The following NRG3 variants were observed in gnomAD, a reference collection of about 807,000 sequenced individuals.
NRG3 encodes the protein pro-neuregulin-3, membrane-bound isoform.
A neutral mutation model predicts 66.9 loss-of-function variants in NRG3; 31 were observed. The observed-to-expected ratio is 0.46, with a 90% CI of 0.35 to 0.63. The LOEUF (loss-of-function observed/expected upper bound fraction) is 0.63, where lower values mean the gene tolerates loss of function less well. Ranked by LOEUF, NRG3 falls within the 20% of genes least tolerant of loss-of-function variation. The pLI, the probability that NRG3 is intolerant of heterozygous loss-of-function variation, is 0.00. For missense variants in NRG3, 910 were observed against 878.9 expected (o/e 1.04, Z -0.45); for synonymous variants, 393 against 359.4 (o/e 1.09, Z -1.06).
chr10:82,344,141 C>T (rs2082844691), intron 1 of NRG3, among the ~76,000 whole-genome samples: 2 of 149,644 alleles, frequency 1.3e-5, no homozygotes, highest in East Asian at 2.0e-4. Flanking sequence ...TATACATGTG[C>T]CATGCTGGTG....
chr10:82,163,965 G>A (rs1052911242), intron 1 of NRG3, among the ~76,000 whole-genome samples: 7 of 149,842 alleles, frequency 4.7e-5, no homozygotes, highest in Non-Finnish European at 8.9e-5. Context: ...CTGTTGCCCA[G>A]GTTGGAGTGG....
At chr10:81,878,796 C>T (rs1841918363) in intron 1 of NRG3, among the ~76,000 whole-genome samples, 1 of 152,006 alleles carries the variant, frequency 6.6e-6, no homozygotes, top group African/African-American at 2.4e-5. Context: ...CTTTAATGGC[C>T]AGGATCTTTG....
At chr10:82,340,382 A>G (rs941291180) in intron 1 of NRG3, among the ~76,000 whole-genome samples, 1 of 152,200 alleles carries the variant, frequency 6.6e-6, no homozygotes, top group Non-Finnish European at 1.5e-5. Context: ...GACACTTGAC[A>G]TAGTTAGCCA....
At chr10:82,973,037 C>T (rs1851913883) in intron 6 of NRG3, among the ~76,000 whole-genome samples, 1 of 152,164 alleles carries the variant, frequency 6.6e-6, no homozygotes, top group Non-Finnish European at 1.5e-5. Flanking sequence ...CCTGGAGTTT[C>T]TAGAAGAGAA....
At chr10:82,757,030 T>C (rs1565281577) in intron 3 of NRG3, among the ~76,000 whole-genome samples, 2 of 152,184 alleles carry the variant, frequency 1.3e-5, no homozygotes, top group East Asian at 1.9e-4. Flanking sequence ...AAAACAAAAC[T>C]GTTTTCCTCT....
At chr10:81,909,977 A>G (rs1443618342) in intron 1 of NRG3, among the ~76,000 whole-genome samples, 1 of 152,176 alleles carries the variant, frequency 6.6e-6, no homozygotes, top group Non-Finnish European at 1.5e-5. Flanking sequence ...CCCTTGCTCT[A>G]AAAGTTATAT....
chr10:82,165,980 A>C (rs1393236482), intron 1 of NRG3, among the ~76,000 whole-genome samples: 4 of 150,876 alleles, frequency 2.7e-5, no homozygotes, highest in Admixed American at 2.6e-4. Context: ...CCTGTTTTCT[A>C]CTTTTTTTAG....
At chr10:82,468,945 G>A (rs1396936254) in intron 2 of NRG3, among the ~76,000 whole-genome samples, 1 of 152,104 alleles carries the variant, frequency 6.6e-6, no homozygotes, top group Admixed American at 6.5e-5. Context: ...CAACATTCCT[G>A]ATTTCTTGCT....
intron 1 of NRG3, among the ~76,000 whole-genome samples, chr10:81,909,987 T>C (rs1371347859): frequency 6.6e-6 from 1 of 152,188 alleles, no homozygotes; most frequent in Non-Finnish European, 1.5e-5. Context: ...AAAAGTTATA[T>C]TGAAGGAATG....
intron 1 of NRG3, among the ~76,000 whole-genome samples, chr10:82,125,309 G>A (rs2068366127): frequency 6.6e-6 from 1 of 151,906 alleles, no homozygotes; most frequent in Non-Finnish European, 1.5e-5. Flanking sequence ...TAGACTTTAT[G>A]TACAGCCCTC....
In NRG3 at chr10:82,170,950, T is replaced by C. The variant is rs2072556759; in HGVS notation, c.824-187789T>C. Among the ~76,000 whole-genome samples, 3 of 151,728 alleles carry C rather than the reference T, an allele frequency of 2.0e-5. No homozygotes were observed. In the South Asian group the frequency reaches 6.2e-4, roughly 31 times the overall value. Reference sequence around the variant, plus strand: ...AACATTTCTATGTTAATTTGATTTATGGGTGTTGTCAGATTGTTTTATGCA... The same window carrying C: ...AACATTTCTATGTTAATTTGATTTACGGGTGTTGTCAGATTGTTTTATGCA... On this transcript the variant is annotated intron_variant, in intron 1 of 8. Transcript: ENST00000372141.
At chr10:82,448,331 T>C (rs2090847189) in intron 2 of NRG3, among the ~76,000 whole-genome samples, 2 of 152,196 alleles carry the variant, frequency 1.3e-5, no homozygotes, top group Non-Finnish European at 1.5e-5. Flanking sequence ...AAGAAAACAC[T>C]AGGGAAAAGA....
At chr10:82,716,316 C>T (rs1479857861) in intron 2 of NRG3, among the ~76,000 whole-genome samples, 2 of 152,140 alleles carry the variant, frequency 1.3e-5, no homozygotes, top group African/African-American at 4.8e-5. Context: ...CATATCTCAT[C>T]TATATAGACA....
intron 2 of NRG3, among the ~76,000 whole-genome samples, chr10:82,693,784 G>T (rs772983654): frequency 6.6e-6 from 1 of 152,092 alleles, no homozygotes; most frequent in African/African-American, 2.4e-5. Flanking sequence ...ACTTTGAATC[G>T]AGTGTTACAG....
At chr10:81,968,858 C>T (rs2059826087) in intron 1 of NRG3, among the ~76,000 whole-genome samples, 1 of 152,186 alleles carries the variant, frequency 6.6e-6, no homozygotes, top group Non-Finnish European at 1.5e-5. Context: ...GAGGCAGGTG[C>T]TTATCTCTTT....
chr10:82,561,658 C>T (rs1462399406), intron 2 of NRG3, among the ~76,000 whole-genome samples: 1 of 152,146 alleles, frequency 6.6e-6, no homozygotes, highest in East Asian at 1.9e-4. Context: ...ACACTCCCAT[C>T]CTTAAAATGG....
chr10:82,767,415 G>T (rs898162880), intron 3 of NRG3, among the ~76,000 whole-genome samples: 1 of 152,072 alleles, frequency 6.6e-6, no homozygotes, highest in African/African-American at 2.4e-5. Flanking sequence ...TCTGAAAAAT[G>T]TCTTTATTCT....
intron 1 of NRG3, among the ~76,000 whole-genome samples, chr10:82,136,503 G>A (rs566286161): frequency 6.6e-6 from 1 of 152,232 alleles, no homozygotes; most frequent in East Asian, 1.9e-4. Flanking sequence ...GAATCTACTT[G>A]ATGCTCCATT....
chr10:82,022,579 C>T (rs1347167113), intron 1 of NRG3, among the ~76,000 whole-genome samples: 1 of 152,094 alleles, frequency 6.6e-6, no homozygotes, highest in Non-Finnish European at 1.5e-5. Context: ...TACTTCTCTA[C>T]AGGATTTCTT....
Sources: gnomAD v4.1 joint callset for allele counts (sites outside exome capture counted in the v4.1 genomes callset) on GRCh38, gnomAD v4.1.1 for gene constraint, MANE v1.5 for transcripts, NCBI Gene and HGNC (gene_info 2026-07-23, HGNC 2026-07-21) for gene names.